Variants in DHX57 observed in about 807,000 individuals in gnomAD.
DHX57 encodes the protein DExH-box helicase 57.
Under a neutral mutation model 156.2 loss-of-function variants are expected in DHX57, and 105 were observed. The observed-to-expected ratio is 0.67, with a 90% CI of 0.57 to 0.79. The LOEUF is 0.79. Among genes scored for constraint, DHX57 ranks in the 30% least tolerant of loss-of-function variants. The pLI, the probability that DHX57 is intolerant of heterozygous loss-of-function variation, is 0.00. For synonymous variants in DHX57, 704 were observed against 595.6 expected (o/e 1.18, Z -2.65); for missense variants, 1,847 against 1,661.9 (o/e 1.11, Z -1.94).
At chr2:38,832,840 C>T (rs1018041255) in intron 13 of DHX57, among the ~76,000 whole-genome samples, 2 of 151,920 alleles carry the variant, frequency 1.3e-5, no homozygotes, top group African/African-American at 4.8e-5. Context: ...GCCCAACCAA[C>T]ATAAAGTAAT....
intron 9 of DHX57, chr2:38,853,148 T>C (rs1312508360): frequency 2.0e-5 from 3 of 152,738 alleles, no homozygotes; most frequent in Non-Finnish European, 4.3e-5. Context: ...CTCAACCTCC[T>C]GGGGGCTCAA....
chr2:38,874,233 A>T (rs1572723079), intron 1 of DHX57, among the ~76,000 whole-genome samples: 3 of 151,924 alleles, frequency 2.0e-5, no homozygotes, highest in East Asian at 3.9e-4. Context: ...CTGGGACCAC[A>T]GGTGCACCAC....
chr2:38,800,627 G>C (rs1343128375), intron 23 of DHX57, among the ~76,000 whole-genome samples: 2 of 152,180 alleles, frequency 1.3e-5, no homozygotes, highest in Admixed American at 1.3e-4. Flanking sequence ...ACAGGGATTG[G>C]TTTAGGAGGG....
At chr2:38,799,437 C>A (rs367999524) in intron 23 of DHX57, among the ~76,000 whole-genome samples, 144 of 95,514 alleles carry the variant, frequency 1.5e-3, no homozygotes, top group African/African-American at 1.7e-3. Context: ...CTTGTTGTCT[C>A]AAAAAAAAAA....
chr2:38,835,289 C>T (rs577359082), intron 13 of DHX57, among the ~76,000 whole-genome samples: 1 of 152,310 alleles, frequency 6.6e-6, no homozygotes, highest in East Asian at 1.9e-4. Flanking sequence ...TAGGCTAAAT[C>T]TACTCTTTTG....
intron 13 of DHX57, among the ~76,000 whole-genome samples, chr2:38,834,125 T>C (rs1308662317): frequency 2.6e-5 from 4 of 151,024 alleles, no homozygotes; most frequent in African/African-American, 4.9e-5. Context: ...AGGTTGGGAG[T>C]TCGAGACCAG....
At chr2:38,838,717 C>T in intron 12 of DHX57, 2 of 447,570 alleles carry the variant, frequency 4.5e-6, no homozygotes, top group South Asian at 3.2e-5. Context: ...ATTTTTATAA[C>T]AGTGACTCGC....
At chr2:38,862,490 T>G (rs777471349) in intron 3 of DHX57, 157 bp from the exon 4 acceptor site, 31 of 688,098 alleles carry the variant, frequency 4.5e-5, no homozygotes, top group Non-Finnish European at 6.2e-5. Context: ...TCTTGGCAAT[T>G]AACATTTACC....
At chr2:38,838,667 C>T (rs1040707379) in intron 12 of DHX57, 4 of 391,774 alleles carry the variant, frequency 1.0e-5, no homozygotes, top group Non-Finnish European at 2.0e-5. Context: ...TAACACTAAC[C>T]TATGGCAATC....
At chr2:38,840,872 G>A (rs1246182749) in intron 12 of DHX57, among the ~76,000 whole-genome samples, 1 of 152,310 alleles carries the variant, frequency 6.6e-6, no homozygotes, top group East Asian at 1.9e-4. Flanking sequence ...GGGCTGGAGT[G>A]CACTAGTGCG....
At chr2:38,811,765 C>G (rs1670262732) in intron 21 of DHX57, 2 of 478,018 alleles carry the variant, frequency 4.2e-6, no homozygotes, top group Non-Finnish European at 7.7e-6. Context: ...GGGCCCACGT[C>G]TTTCTTATTG....
At chr2:38,848,477 T>G (rs1306585053) in intron 9 of DHX57, 75 bp from the exon 10 acceptor site, 2 of 1,462,098 alleles carry the variant, frequency 1.4e-6, no homozygotes, top group Non-Finnish European at 1.8e-6. Flanking sequence ...TACTATATTT[T>G]GAGCAAGAAA....
Position 38,861,325 on chromosome 2 carries a change from T to G in DHX57, c.1085A>C (p.Asp362Ala). 1 of 1,613,810 alleles carries G rather than the reference T, an allele frequency of 6.2e-7. No individual in the cohort carries two copies. The highest frequency in any genetic ancestry group is 8.5e-7 in the Non-Finnish European group (1 of 1,179,956). The change falls in exon 5 of 24, where the codon GAC becomes GCC. Residue 362 changes from aspartate (D) to alanine (A), a missense_variant. Coordinates refer to ENST00000457308, the MANE Select transcript of DHX57 (RefSeq NM_198963.3). ...CGGAGCTTGGTAGGGATATTTGTGG[T>G]CTTTAGAAAATCGAATTTCAAGTTC... ...LYELEIRFSKDHKYPYQAPLV... is the reference protein window; with the variant it reads ...LYELEIRFSKAHKYPYQAPLV...
At chr2:38,834,175 T>C (rs1271768997) in intron 13 of DHX57, among the ~76,000 whole-genome samples, 1 of 151,332 alleles carries the variant, frequency 6.6e-6, no homozygotes, top group East Asian at 1.9e-4. Flanking sequence ...ACTAAAAAAA[T>C]ACAAAATTAG....
At chr2:38,843,744 A>G (rs573880046) in intron 11 of DHX57, among the ~76,000 whole-genome samples, 1 of 152,372 alleles carries the variant, frequency 6.6e-6, no homozygotes, top group African/African-American at 2.4e-5. Context: ...TAGATTTGGA[A>G]ACAAAAGCTC....
At chr2:38,865,459 C>G (rs1237712938) in intron 2 of DHX57, among the ~76,000 whole-genome samples, 1 of 152,184 alleles carries the variant, frequency 6.6e-6, no homozygotes, top group Non-Finnish European at 1.5e-5. Flanking sequence ...TGAGGCCACC[C>G]CAGCCCTGTG....
At position 38,829,550 on chromosome 2, in the gene DHX57, A is replaced by G. The variant is rs1409084906; in HGVS notation, c.2543-1114T>C. Among the ~76,000 whole-genome samples the G allele has an allele frequency of 6.6e-5, 10 of 152,158 alleles. No homozygotes were observed. In the East Asian group the frequency reaches 1.3e-3, roughly 21 times the overall value. ...CTCCAAAAGTGCTGGGATTACAGGCATGAGCCACTGCGCTTGGCCCCACTG... is the reference window on the plus strand; with the variant it reads ...CTCCAAAAGTGCTGGGATTACAGGCGTGAGCCACTGCGCTTGGCCCCACTG... On this transcript the variant is annotated intron_variant, in intron 13 of 23. Coordinates refer to ENST00000457308, the MANE Select transcript of DHX57 (RefSeq NM_198963.3).
At chr2:38,802,067 G>C (rs1669709573) in intron 23 of DHX57, among the ~76,000 whole-genome samples, 1 of 152,102 alleles carries the variant, frequency 6.6e-6, no homozygotes, top group Admixed American at 6.6e-5. Flanking sequence ...TTGCTTATCT[G>C]TATTTTCTGA....
intron 21 of DHX57, chr2:38,810,472 C>A: frequency 3.7e-6 from 2 of 544,372 alleles, no homozygotes; most frequent in South Asian, 2.8e-5. Flanking sequence ...TGATGATATT[C>A]CTTCATCCTG....
Sources: gnomAD v4.1 joint callset for allele counts (sites outside exome capture counted in the v4.1 genomes callset) on GRCh38, gnomAD v4.1.1 for gene constraint, MANE v1.5 for transcripts, NCBI Gene and HGNC (gene_info 2026-07-23, HGNC 2026-07-21) for gene names.